MYOM1: variants seen among roughly 807,000 people sequenced by gnomAD.
MYOM1 encodes the protein myomesin-1.
A neutral mutation model predicts 205.3 loss-of-function variants in MYOM1; 164 were observed. The observed-to-expected ratio is 0.80, with a 90% CI of 0.70 to 0.91. The LOEUF (loss-of-function observed/expected upper bound fraction) is 0.91. Ranked by LOEUF, MYOM1 falls within the 40% of genes least tolerant of loss-of-function variation. The probability of loss-of-function intolerance (pLI) is 0.00; values close to 1 mark genes in which losing one functional copy is unlikely to be tolerated. For missense variants in MYOM1, 2,011 were observed against 2,127.3 expected (o/e 0.95, Z 1.08); for synonymous variants, 772 against 789.4 (o/e 0.98, Z 0.37).
chr18:3,154,638 C>T (rs1368652481), intron 11 of MYOM1, among the ~76,000 whole-genome samples: 4 of 151,450 alleles, frequency 2.6e-5, no homozygotes, highest in Non-Finnish European at 5.9e-5. Flanking sequence ...CACACACACA[C>T]ACACACACAC....
chr18:3,116,228 A>G lies in MYOM1; in HGVS notation c.3303+103T>C, dbSNP rs987704862. ...AATCTTACCAGGAGCCCAATATATG[A>G]AACAGATCAAAGCGGAGATATTCTG... On this transcript the variant is annotated intron_variant, in intron 21 of 37. Coordinates refer to ENST00000356443, the MANE Select transcript of MYOM1 (RefSeq NM_003803.4). 8.6e-6 allele frequency: 11 copies of G among 1,277,976 alleles called. No homozygotes were observed. The Admixed American group carries it at 8.8e-5, about 10-fold the overall frequency. The allele number at this position is 1,277,976 out of a possible 1,614,324, so 79.2% of individuals were successfully genotyped here. A position where few individuals can be genotyped will look rare whatever the true frequency, so the allele number is the denominator to read the frequency against.
intron 5 of MYOM1, 145 bp downstream of exon 5, chr18:3,187,335 C>T (rs2080831343): frequency 1.2e-6 from 1 of 834,820 alleles, no homozygotes; most frequent in Non-Finnish European, 1.8e-6. Context: ...ATCTCAATGC[C>T]TACCCTTCTT....
chr18:3,094,415 T>C (rs944067203), intron 25 of MYOM1, 109 bp from the exon 26 acceptor site: 7 of 1,132,990 alleles, frequency 6.2e-6, no homozygotes, highest in African/African-American at 1.6e-5. Flanking sequence ...GAAATGACAA[T>C]GTAGCACCTG....
chr18:3,235,055 C>T, the MYOM1 span, among the ~76,000 whole-genome samples: 1 of 152,028 alleles, frequency 6.6e-6, no homozygotes, highest in Non-Finnish European at 1.5e-5. Flanking sequence ...CTGCGCCTGG[C>T]CCGACATACT....
chr18:3,241,788 A>T, the MYOM1 span, among the ~76,000 whole-genome samples: 1 of 152,328 alleles, frequency 6.6e-6, no homozygotes, highest in Admixed American at 6.5e-5. Flanking sequence ...GGGAGGCTGT[A>T]CCCTGCAAAG....
rs748766531 is a variant in MYOM1, at chr18:3,086,124, T to C, written c.4165A>G (p.Ile1389Val). ...KVANIKKETH[I>V]VWYKDEREIS... ...TCCCTCTCATCTTTGTACCACACAA[T>C]ATGAGTCTCCTTCTTAATATTTGCC... The change falls in exon 30 of 38, where the codon ATT (isoleucine) becomes GTT (valine). Residue 1389 changes from isoleucine (I) to valine (V), a missense_variant. By Grantham distance (29) the Ile-to-Val change is conservative. Coordinates refer to ENST00000356443, the MANE Select transcript of MYOM1 (RefSeq NM_003803.4). 5 of 1,606,080 alleles carry C rather than the reference T, an allele frequency of 3.1e-6. No homozygotes were observed. Among genetic ancestry groups the C allele is most frequent in the East Asian group, 4.5e-5 (2 of 44,768 alleles).
chr18:3,123,437 C>T (rs142006717), intron 19 of MYOM1, among the ~76,000 whole-genome samples: 98 of 151,982 alleles, frequency 6.4e-4, no homozygotes, highest in African/African-American at 2.3e-3. Flanking sequence ...AAATGATATA[C>T]AAACCTCTGT....
intron 5 of MYOM1, among the ~76,000 whole-genome samples, chr18:3,186,725 A>G (rs2080815469): frequency 6.6e-6 from 1 of 151,860 alleles, no homozygotes; most frequent in African/African-American, 2.4e-5. Context: ...AAATAAATAA[A>G]TAAGAAAGGA....
intron 12 of MYOM1, 36 bp from the exon 13 acceptor site, chr18:3,149,237 A>G (rs1344772741): frequency 1.9e-6 from 3 of 1,579,070 alleles, no homozygotes; most frequent in Non-Finnish European, 2.6e-6. Flanking sequence ...ACAAACGTTT[A>G]CAAGTGTGCA....
rs779638228 is a variant in MYOM1 at position 3,100,332 on chromosome 18, T to C, written c.3670A>G (p.Ile1224Val). Residue 1224 changes from isoleucine to valine, a missense_variant, in exon 24 of 38, where the codon ATA becomes GTA. Coordinates refer to ENST00000356443, the MANE Select transcript of MYOM1 (RefSeq NM_003803.4). ...DTDGIASSYL[I>V]DEEELKRLLA... The stretch of plus-strand genomic sequence containing the variant: ...ATTTTAAACTTACCTTCCTCATCTA[T>C]TAAGTAGCTTGATGCTATTCCATCA... 1.5e-5 allele frequency: 24 copies of C among 1,613,714 alleles called. No homozygotes were observed. Among genetic ancestry groups the C allele is most frequent in the East Asian group, 2.2e-5 (1 of 44,880 alleles).
chr18:3,148,158 T>C (rs1215948960), intron 13 of MYOM1, among the ~76,000 whole-genome samples: 2 of 152,192 alleles, frequency 1.3e-5, no homozygotes, highest in Non-Finnish European at 2.9e-5. Context: ...GGTACAATCA[T>C]TTCAGAAAAC....
chr18:3,187,164 C>T (rs1305818248), intron 5 of MYOM1, among the ~76,000 whole-genome samples: 1 of 152,080 alleles, frequency 6.6e-6, no homozygotes, highest in East Asian at 1.9e-4. Context: ...CTTTTATCAT[C>T]CGTAAGAGTT....
At chr18:3,133,577 A>T (rs1273059427) in intron 16 of MYOM1, among the ~76,000 whole-genome samples, 1 of 152,200 alleles carries the variant, frequency 6.6e-6, no homozygotes, top group Non-Finnish European at 1.5e-5. Context: ...AGAATTTGTA[A>T]AATTTCGATA....
rs369168803 is a variant in MYOM1 at position 3,141,993 on chromosome 18, G to A, written c.1971C>T (p.Ser657=). 4.0e-5 allele frequency: 64 copies of A among 1,613,786 alleles called. No homozygotes were observed. Among genetic ancestry groups the A allele is most frequent in the South Asian group, 5.5e-5 (5 of 91,060 alleles). The change falls in exon 14 of 38, where the codon AGC becomes AGT. Residue 657 remains serine, a synonymous_variant. Transcript: ENST00000356443. Reference sequence around the variant, plus strand: ...GACCACGCTGGCCAGGGGGCTTCCAGCTGAGCACCACATAGCTCCGGGTGG... The same window carrying A: ...GACCACGCTGGCCAGGGGGCTTCCAACTGAGCACCACATAGCTCCGGGTGG... ...TEATRSYVVL[S]WKPPGQRGHE...
At chr18:3,088,568 C>T (rs139015499) in intron 29 of MYOM1, among the ~76,000 whole-genome samples, 1 of 152,300 alleles carries the variant, frequency 6.6e-6, no homozygotes, top group East Asian at 1.9e-4. Flanking sequence ...GACCTTCACG[C>T]TCCAACCTCA....
intron 34 of MYOM1, among the ~76,000 whole-genome samples, chr18:3,077,884 G>A (rs556955686): frequency 6.6e-6 from 1 of 152,176 alleles, no homozygotes; most frequent in South Asian, 2.1e-4. Context: ...ATTACTGAAA[G>A]GTCCTGCAGC....
chr18:3,135,010 G>A lies in MYOM1; in HGVS notation c.2210-186C>T, dbSNP rs979846618. 1.1e-5 allele frequency: 6 copies of A among 568,164 alleles called. No individual in the cohort carries two copies. The highest frequency in any genetic ancestry group is 7.6e-5 in the African/African-American group (4 of 52,554). 35.2% of individuals were successfully genotyped at this position (568,164 alleles called of 1,614,324 possible). On this transcript the variant is annotated intron_variant, in intron 15 of 37. Coordinates refer to ENST00000356443, the MANE Select transcript of MYOM1 (RefSeq NM_003803.4). This position sits in a 1 kb window ranked among gnomAD's most constrained non-coding sequence, Gnocchi z 4.1. ...GTCACCCAGGCTGGAGAGCAGTGGC[G>A]GGATCTCGGCTCACTGCAGCCCCCA...
intron 5 of MYOM1, among the ~76,000 whole-genome samples, chr18:3,178,874 C>CT (rs35989377): frequency 0.022 from 3,238 of 147,380 alleles, 125 homozygotes; most frequent in African/African-American, 0.075. Flanking sequence ...TCCACATTTA[C>CT]TTTTTTTTTT....
In MYOM1 at chr18:3,166,417, T is replaced by G. The variant is rs555941174; in HGVS notation, c.1340-1978A>C. 1.2e-4 allele frequency among the ~76,000 whole-genome samples: 18 copies of G among 152,136 alleles called. No individual in the cohort carries two copies. In the South Asian group the frequency reaches 3.3e-3, roughly 28 times the overall value. ...TCCTGAGTAGCTGGGATTACAGGCATGCACCACCACGCCTGGCTAATTCTT... is the reference window on the plus strand; with the variant it reads ...TCCTGAGTAGCTGGGATTACAGGCAGGCACCACCACGCCTGGCTAATTCTT... On this transcript the variant is annotated intron_variant, in intron 9 of 37. Transcript: ENST00000356443.
Sources: allele counts gnomAD v4.1 joint callset (sites outside exome capture counted in the v4.1 genomes callset), GRCh38; gene constraint gnomAD v4.1.1; non-coding constraint Gnocchi (gnomAD v3.1); transcripts MANE v1.5; gene names NCBI Gene and HGNC (gene_info 2026-07-23, HGNC 2026-07-21).